Variants in PBX3 observed in about 807,000 individuals in gnomAD.
PBX3 encodes the protein pre-B-cell leukemia transcription factor 3.
A neutral mutation model predicts 48.5 loss-of-function variants in PBX3; 14 were observed. The observed-to-expected ratio is 0.29, with a 90% confidence interval of 0.19 to 0.45. PBX3 has a LOEUF of 0.45. Among genes scored for constraint, PBX3 ranks in the 20% least tolerant of loss-of-function variants. PBX3 has a pLI of 1.00. For synonymous variants in PBX3, 210 were observed against 200.3 expected (o/e 1.05, Z -0.41); for missense variants, 386 against 546.7 (o/e 0.71, Z 2.93).
At position 125,856,941 on chromosome 9, in the gene PBX3, A is replaced by G. The variant is rs545786113; in HGVS notation, c.275-58745A>G. ...TAATATTCATTGTAATATTGGTGCC[A>G]TATGTCCTGTTCCATGATTTTTAAA... On this transcript the variant is annotated intron_variant, in intron 2 of 8. Transcript: ENST00000373489. Among the ~76,000 whole-genome samples, 5 of 152,320 alleles carry G rather than the reference A, an allele frequency of 3.3e-5. No individual in the cohort carries two copies. The South Asian group carries it at 8.3e-4, about 25-fold the overall frequency.
intron 5 of PBX3, among the ~76,000 whole-genome samples, chr9:125,940,360 T>C (rs1184033154): frequency 6.6e-6 from 1 of 152,220 alleles, no homozygotes; most frequent in African/African-American, 2.4e-5. Flanking sequence ...ATGTCAGTTA[T>C]TAAATCTAAG....
chr9:125,880,370 G>A (rs1349725234), intron 2 of PBX3, among the ~76,000 whole-genome samples: 1 of 152,284 alleles, frequency 6.6e-6, no homozygotes, highest in Non-Finnish European at 1.5e-5. Flanking sequence ...ATTTCAGGTC[G>A]CTATAACAGA....
chr9:125,944,401 A>G (rs961029189), intron 5 of PBX3, among the ~76,000 whole-genome samples: 25 of 152,330 alleles, frequency 1.6e-4, no homozygotes, highest in African/African-American at 5.8e-4. Context: ...AGTGCCTACT[A>G]TATGTCAGGC....
chr9:125,769,185 T>C (rs1836877782), intron 2 of PBX3, among the ~76,000 whole-genome samples: 2 of 152,220 alleles, frequency 1.3e-5, no homozygotes. Context: ...TTTAAGTGCC[T>C]AGTGGTAAAG....
chr9:125,809,922 A>G (rs902971243), intron 2 of PBX3, among the ~76,000 whole-genome samples: 1 of 152,234 alleles, frequency 6.6e-6, no homozygotes, highest in South Asian at 2.1e-4. Context: ...ACCAAACATG[A>G]AGTCTAAATA....
At chr9:125,949,403 G>A (rs1232920285) in intron 5 of PBX3, 4 of 1,550,740 alleles carry the variant, frequency 2.6e-6, no homozygotes, top group African/African-American at 2.7e-5. Context: ...CCAAAAGAAA[G>A]AGGGAGCAAA....
chr9:125,782,310 T>A (rs1435141315), intron 2 of PBX3, among the ~76,000 whole-genome samples: 2 of 152,150 alleles, frequency 1.3e-5, no homozygotes, highest in Admixed American at 1.3e-4. Context: ...GCATGGGGAA[T>A]GACCTGCCCC....
At chr9:125,774,155 G>A (rs10986898) in intron 2 of PBX3, among the ~76,000 whole-genome samples, 3,061 of 152,262 alleles carry the variant, frequency 0.02, 174 homozygotes, top group East Asian at 0.17. Flanking sequence ...GGAAGCCAGC[G>A]TGTCTTACGT....
intron 2 of PBX3, among the ~76,000 whole-genome samples, chr9:125,804,966 AG>A (rs761879618): frequency 0.033 from 2,232 of 68,556 alleles, 112 homozygotes; most frequent in East Asian, 0.3. Flanking sequence ...AAAAAAAAAA[AG>A]AAGAAGAAGA....
At chr9:125,896,248 A>G (rs914902387) in intron 2 of PBX3, among the ~76,000 whole-genome samples, 1 of 152,044 alleles carries the variant, frequency 6.6e-6, no homozygotes, top group East Asian at 1.9e-4. Flanking sequence ...TGTGTGCCTT[A>G]TGTACCTATT....
At chr9:125,929,621 T>A in intron 3 of PBX3, 34 bp from the exon 4 acceptor site, 1 of 1,493,248 alleles carries the variant, frequency 6.7e-7, no homozygotes, top group Non-Finnish European at 9.2e-7. Flanking sequence ...TAGTAGATAG[T>A]TTCCAAAGGA....
At position 125,761,688 on chromosome 9, in the gene PBX3, G is replaced by A. The variant is rs575170298; in HGVS notation, c.274+13065G>A. On this transcript the variant is annotated intron_variant, in intron 2 of 8. Coordinates refer to ENST00000373489, the MANE Select transcript of PBX3 (RefSeq NM_006195.6). ...TAAAGTGTGAATAGAAAGATACTAA[G>A]AACAGGCAGCACTATGTGTTTTTAG... 1.1e-4 allele frequency among the ~76,000 whole-genome samples: 17 copies of A among 152,202 alleles called. 1 individual carries two copies. The East Asian group carries it at 2.7e-3, about 24-fold the overall frequency.
chr9:125,869,446 G>T (rs1255769899), intron 2 of PBX3, among the ~76,000 whole-genome samples: 1 of 152,104 alleles, frequency 6.6e-6, no homozygotes, highest in Non-Finnish European at 1.5e-5. Flanking sequence ...GGATGAATGG[G>T]AAGATAACAT....
At chr9:125,782,677 T>C (rs1837353642) in intron 2 of PBX3, among the ~76,000 whole-genome samples, 2 of 152,226 alleles carry the variant, frequency 1.3e-5, no homozygotes, top group East Asian at 3.8e-4. Flanking sequence ...TTCGACTTAC[T>C]GTTTAGTGTC....
chr9:125,889,875 C>T (rs1051370854), intron 2 of PBX3, among the ~76,000 whole-genome samples: 52 of 148,260 alleles, frequency 3.5e-4, no homozygotes, highest in South Asian at 1.5e-3. Flanking sequence ...CGACGCCCGC[C>T]CGCGCTCGCG....
intron 2 of PBX3, among the ~76,000 whole-genome samples, chr9:125,803,235 G>A (rs1261677274): frequency 6.6e-6 from 1 of 151,316 alleles, no homozygotes; most frequent in Non-Finnish European, 1.5e-5. Context: ...TTATAGGCAC[G>A]GGCCACCATG....
At chr9:125,837,882 G>A (rs982690196) in intron 2 of PBX3, among the ~76,000 whole-genome samples, 18 of 152,116 alleles carry the variant, frequency 1.2e-4, no homozygotes, top group African/African-American at 3.6e-4. Context: ...GAGCCACCAC[G>A]CCCGGCCTAG....
chr9:125,769,992 A>C (rs150238117), intron 2 of PBX3, among the ~76,000 whole-genome samples: 130 of 152,292 alleles, frequency 8.5e-4, no homozygotes, highest in African/African-American at 3.0e-3. Context: ...GTTAAGCATT[A>C]ATGTTATTTT....
intron 3 of PBX3, among the ~76,000 whole-genome samples, chr9:125,928,671 TAGCC>T (rs995119548): frequency 3.3e-5 from 5 of 152,178 alleles, no homozygotes; most frequent in Admixed American, 1.3e-4. Context: ...TTCACTGTGT[TAGCC>T]AGGATGGTCT....
Sources: allele counts gnomAD v4.1 joint callset (sites outside exome capture counted in the v4.1 genomes callset), GRCh38; gene constraint gnomAD v4.1.1; transcripts MANE v1.5; gene names NCBI Gene and HGNC (gene_info 2026-07-23, HGNC 2026-07-21).